TRAPPC9: variants seen among roughly 807,000 people sequenced by gnomAD.
The protein encoded by TRAPPC9 is trafficking protein particle complex subunit 9, also known as IKK2 binding protein.
A neutral mutation model predicts 124.0 loss-of-function variants in TRAPPC9; 83 were observed. The ratio of observed to expected loss-of-function variants is 0.67; its 90% confidence interval spans 0.56 to 0.80. TRAPPC9 has a LOEUF of 0.80. Among genes scored for constraint, TRAPPC9 ranks in the 30% least tolerant of loss-of-function variants. The pLI is 0.00. For missense variants in TRAPPC9, 1,302 were observed against 1,508.3 expected (o/e 0.86, Z 2.27); for synonymous variants, 638 against 617.5 (o/e 1.03, Z -0.49).
chr8:140,419,135 T>C (rs1407518100), intron 5 of TRAPPC9, among the ~76,000 whole-genome samples: 1 of 149,518 alleles, frequency 6.7e-6, no homozygotes, highest in African/African-American at 2.5e-5. Flanking sequence ...CTACTAAAAA[T>C]ACAACAAAAT....
chr8:140,200,755 C>T (rs889946775), intron 17 of TRAPPC9, among the ~76,000 whole-genome samples: 1 of 151,922 alleles, frequency 6.6e-6, no homozygotes, highest in Non-Finnish European at 1.5e-5. Context: ...TGAATGGGAC[C>T]CAGGACAGAA....
intron 17 of TRAPPC9, among the ~76,000 whole-genome samples, chr8:140,169,524 T>C (rs574103576): frequency 6.6e-6 from 1 of 152,064 alleles, no homozygotes; most frequent in South Asian, 2.1e-4. Context: ...CAGGTGGCCA[T>C]CGACAGATGA....
chr8:139,959,188 A>G (rs1835215728), intron 19 of TRAPPC9, among the ~76,000 whole-genome samples: 2 of 152,252 alleles, frequency 1.3e-5, no homozygotes, highest in African/African-American at 2.4e-5. Flanking sequence ...ACCCGTGTGT[A>G]AAATAAGGTT....
At chr8:139,761,508 G>A (rs1462131598) in intron 21 of TRAPPC9, among the ~76,000 whole-genome samples, 1 of 152,140 alleles carries the variant, frequency 6.6e-6, no homozygotes, top group Non-Finnish European at 1.5e-5. Context: ...TCCCAGCCCT[G>A]GTGCTGGCTT....
At chr8:140,300,005 G>A (rs2065919598) in intron 11 of TRAPPC9, among the ~76,000 whole-genome samples, 1 of 152,160 alleles carries the variant, frequency 6.6e-6, no homozygotes, top group South Asian at 2.1e-4. Context: ...ATCTCCAACT[G>A]TCACTCTTCT....
rs558345527 is a variant in TRAPPC9, at chr8:140,089,234, C to T, written c.2557-65155G>A. On this transcript the variant is annotated intron_variant, in intron 17 of 22. Transcript: ENST00000438773. Reference sequence around the variant, plus strand: ...CCCGCTTCAAAAGCCTCTTCCCCCCCGAGTGTTCCCCAGAGGCAGCACCTC... The same window carrying T: ...CCCGCTTCAAAAGCCTCTTCCCCCCTGAGTGTTCCCCAGAGGCAGCACCTC... Among the ~76,000 whole-genome samples the T allele has an allele frequency of 7.2e-5, 11 of 152,270 alleles. No homozygotes were observed. In the South Asian group the frequency reaches 1.7e-3, roughly 23 times the overall value.
intron 4 of TRAPPC9, among the ~76,000 whole-genome samples, chr8:140,433,004 T>C (rs1367646400): frequency 6.6e-6 from 1 of 152,120 alleles, no homozygotes; most frequent in Non-Finnish European, 1.5e-5. Context: ...TTTATTTATA[T>C]ATTAAAACAG....
At chr8:140,272,085 GT>G (rs1563903271) in intron 15 of TRAPPC9, among the ~76,000 whole-genome samples, 3 of 73,058 alleles carry the variant, frequency 4.1e-5, no homozygotes, top group Non-Finnish European at 8.3e-5. Context: ...GGTGGTGGTT[GT>G]GTTGATGATG....
chr8:140,411,812 T>C (rs2069716316), intron 5 of TRAPPC9, among the ~76,000 whole-genome samples: 1 of 151,290 alleles, frequency 6.6e-6, no homozygotes, highest in Non-Finnish European at 1.5e-5. Context: ...AAAAAAATAA[T>C]GATCCATAAG....
chr8:140,393,575 C>T (rs561464560), intron 7 of TRAPPC9, among the ~76,000 whole-genome samples: 5 of 152,168 alleles, frequency 3.3e-5, no homozygotes, highest in Middle Eastern at 3.4e-3. Context: ...TTCCGTAAAA[C>T]GAAAAAACCC....
At chr8:139,792,198 A>G (rs1334017976) in intron 21 of TRAPPC9, among the ~76,000 whole-genome samples, 1 of 152,184 alleles carries the variant, frequency 6.6e-6, no homozygotes, top group Non-Finnish European at 1.5e-5. Flanking sequence ...ACACTCAGAC[A>G]GCAGGTTTAG....
chr8:139,864,156 T>C (rs984721995), intron 21 of TRAPPC9, among the ~76,000 whole-genome samples: 2 of 152,230 alleles, frequency 1.3e-5, no homozygotes, highest in African/African-American at 4.8e-5. Context: ...TTTCCTGTGC[T>C]GTCCTTGGAT....
Position 140,450,975 on chromosome 8 carries a change from A to G in TRAPPC9, c.399T>C (p.Ala133=), listed in dbSNP as rs61739560. The G allele has an allele frequency of 0.08, 129,798 of 1,614,090 alleles. 5,720 individuals are homozygous for G. The highest frequency in any genetic ancestry group is 0.11 in the African/African-American group (8,224 of 75,022). Residue 133 remains alanine, a synonymous_variant, in exon 2 of 23, where the codon GCT becomes GCC. Coordinates refer to ENST00000438773, the MANE Select transcript of TRAPPC9 (RefSeq NM_001160372.4). ...GGCAGTCCTCGTAGTTGGGGTAGAA[A>G]GCCACGTCGGTGCGCGGCTGCTCCA... is the stretch of plus-strand genomic sequence containing the variant. ...EIVEQPRTDV[A]FYPNYEDCQT...
chr8:140,294,779 G>A (rs2065759415), intron 11 of TRAPPC9, among the ~76,000 whole-genome samples: 1 of 151,290 alleles, frequency 6.6e-6, no homozygotes, highest in Non-Finnish European at 1.5e-5. Context: ...GGCTAAATTT[G>A]TTTGTATTTT....
intron 17 of TRAPPC9, among the ~76,000 whole-genome samples, chr8:140,072,597 AGG>A (rs1385444546): frequency 5.4e-4 from 1 of 1,860 alleles, no homozygotes; most frequent in African/African-American, 1.3e-3. Flanking sequence ...GAAGGGAAGG[AGG>A]AGGAGGAGGA....
At chr8:140,247,031 T>A (rs944139087) in intron 16 of TRAPPC9, among the ~76,000 whole-genome samples, 1 of 152,118 alleles carries the variant, frequency 6.6e-6, no homozygotes, top group Non-Finnish European at 1.5e-5. Context: ...GCTCCCCCCA[T>A]GTTTTAAATT....
intron 21 of TRAPPC9, among the ~76,000 whole-genome samples, chr8:139,866,095 AT>A (rs150826119): frequency 0.2 from 30,787 of 152,088 alleles, 3,785 homozygotes; most frequent in East Asian, 0.43. Context: ...AAGACCTGGG[AT>A]CAAAGGAATG....
chr8:140,091,378 A>G (rs1258211175), intron 17 of TRAPPC9, among the ~76,000 whole-genome samples: 3 of 152,188 alleles, frequency 2.0e-5, no homozygotes, highest in Non-Finnish European at 4.4e-5. Flanking sequence ...AGGAAGATGG[A>G]TGGGCGAGGC....
At chr8:139,910,093 T>G in intron 20 of TRAPPC9, 54 bp downstream of exon 20, 1 of 1,609,358 alleles carries the variant, frequency 6.2e-7, no homozygotes, top group Non-Finnish European at 8.5e-7. Flanking sequence ...TCTTAGAGGT[T>G]GGAACCCTGG....
Sources: allele counts gnomAD v4.1 joint callset (sites outside exome capture counted in the v4.1 genomes callset), GRCh38; gene constraint gnomAD v4.1.1; transcripts MANE v1.5; gene names NCBI Gene and HGNC (gene_info 2026-07-23, HGNC 2026-07-21).